The following UGT1A7 variants were observed in gnomAD, a reference collection of about 807,000 sequenced individuals.
The protein encoded by UGT1A7 is UDP glucuronosyltransferase family 1 member A7, also known as UDP-glucuronosyltransferase 1A7.
In UGT1A7, 33 loss-of-function variants were observed where a neutral mutation model predicts 45.6. The ratio of observed to expected loss-of-function variants is 0.72; its 90% CI spans 0.55 to 0.97. The LOEUF (loss-of-function observed/expected upper bound fraction) is 0.97. UGT1A7 is among the 50% of genes least tolerant of loss of function. The pLI, the probability that UGT1A7 is intolerant of heterozygous loss-of-function variation, is 0.00. For synonymous variants in UGT1A7, 274 were observed against 250.6 expected, an observed-to-expected ratio of 1.09 and a Z score of -0.88; for missense variants, 684 against 666.2, an observed-to-expected ratio of 1.03 and a Z score of -0.29.
At chr2:233,713,401 T>C in intron 1 of UGT1A7, 1 of 1,614,206 alleles carries the variant, frequency 6.2e-7, no homozygotes, top group Non-Finnish European at 8.5e-7. Context: ...AATGAGGCCC[T>C]GATCAGGCAC....
chr2:233,712,954 G>A (rs367675101), intron 1 of UGT1A7: 7 of 1,612,846 alleles, frequency 4.3e-6, no homozygotes, highest in South Asian at 3.3e-5. Context: ...GAGGCACAAC[G>A]TGGGGTGGAC....
chr2:233,755,767 T>C (rs1575738311), intron 1 of UGT1A7: 1 of 152,920 alleles, frequency 6.5e-6, no homozygotes, highest in African/African-American at 2.4e-5. Context: ...CTTTTGTTCA[T>C]CTGGATTATG....
Position 233,767,016 on chromosome 2 carries a change from T to A in UGT1A7, c.856-18T>A, listed in dbSNP as rs182710200. ...AATATGAGAAAAAATTAACTGAAAATTTTTCTTCTGGCTCTAGGAATTTGA... is the reference window on the plus strand; with the variant it reads ...AATATGAGAAAAAATTAACTGAAAAATTTTCTTCTGGCTCTAGGAATTTGA... On this transcript the variant is annotated intron_variant, in intron 1 of 4. Transcript: ENST00000373426. 2.5e-5 allele frequency: 40 copies of A among 1,613,838 alleles called. No individual in the cohort carries two copies. The Middle Eastern group carries it at 6.6e-4, about 27-fold the overall frequency.
rs571994847 is a variant in UGT1A7, at chr2:233,706,057, T to G, written c.855+23265T>G. 5.9e-5 allele frequency among the ~76,000 whole-genome samples: 9 copies of G among 152,276 alleles called. No individual in the cohort carries two copies. The South Asian group carries it at 1.9e-3, about 32-fold the overall frequency. On this transcript the variant is annotated intron_variant, in intron 1 of 4. Transcript: ENST00000373426. ...TTGCAGTGAGCCGAGATCACGCCAC[T>G]GCATGCCAGCCTGGGTGACAGAGCT... is the stretch of plus-strand genomic sequence containing the variant.
chr2:233,701,607 C>T (rs918136941), intron 1 of UGT1A7, among the ~76,000 whole-genome samples: 3 of 152,194 alleles, frequency 2.0e-5, no homozygotes, highest in Non-Finnish European at 4.4e-5. Flanking sequence ...AAGCACTCCT[C>T]AGCAAACGTA....
At chr2:233,764,492 C>G (rs1698575712) in intron 1 of UGT1A7, among the ~76,000 whole-genome samples, 1 of 152,096 alleles carries the variant, frequency 6.6e-6, no homozygotes, top group African/African-American at 2.4e-5. Context: ...TGTTTATGGA[C>G]CTGTGGGTTC....
At chr2:233,704,563 A>G (rs1009157826) in intron 1 of UGT1A7, among the ~76,000 whole-genome samples, 11 of 152,202 alleles carry the variant, frequency 7.2e-5, no homozygotes, top group Non-Finnish European at 1.6e-4. Context: ...TTATATAAAT[A>G]CACATGCTTT....
In UGT1A7 at chr2:233,768,259, C is replaced by T. The variant is rs72551353; in HGVS notation, c.1115C>T (p.Ser372Phe). ...MTRAFITHAGSHGVYESICNG... is the reference protein window; with the variant it reads ...MTRAFITHAGFHGVYESICNG... ...CGTGCCTTTATCACCCATGCTGGTT[C>T]CCATGGTGTTTATGAAAGCATATGC... Residue 372 changes from serine (S) to phenylalanine (F), a missense_variant, in exon 4 of 5, where the codon TCC becomes TTC. Ser to Phe is a radical substitution (Grantham distance 155). Coordinates refer to ENST00000373426, the MANE Select transcript of UGT1A7 (RefSeq NM_019077.3). The T allele has an allele frequency of 1.8e-5, 29 of 1,614,010 alleles. No homozygotes were observed. The highest frequency in any genetic ancestry group is 2.4e-5 in the Non-Finnish European group (28 of 1,180,040).
intron 1 of UGT1A7, chr2:233,747,921 G>T: frequency 6.2e-7 from 1 of 1,613,394 alleles, no homozygotes; most frequent in Non-Finnish European, 8.5e-7. Context: ...CCTTGCCTCT[G>T]AGCTTTTTCA....
intron 1 of UGT1A7, chr2:233,752,621 T>G (rs1428833052): frequency 6.6e-6 from 1 of 152,162 alleles, no homozygotes; most frequent in African/African-American, 2.4e-5. Flanking sequence ...TAGCTAGGTG[T>G]GGTAGCTGTT....
Position 233,729,005 on chromosome 2 carries a change from CTG to C in UGT1A7, c.856-38027_856-38026del, listed in dbSNP as rs1444389059. ...TAATAATTAACTAGAGGAGGGCACT[CTG>C]TCTTCCAATTACACGTTGATTTGCT... On this transcript the variant is annotated intron_variant, in intron 1 of 4. Coordinates refer to ENST00000373426, the MANE Select transcript of UGT1A7 (RefSeq NM_019077.3). The C allele has an allele frequency of 3.2e-6, 5 of 1,574,922 alleles. No individual in the cohort carries two copies. In the East Asian group the frequency reaches 1.1e-4, roughly 36 times the overall value.
chr2:233,689,650 T>C (rs372119020), intron 1 of UGT1A7, among the ~76,000 whole-genome samples: 2 of 152,280 alleles, frequency 1.3e-5, no homozygotes, highest in South Asian at 4.1e-4. Context: ...TGCTCATGAG[T>C]GTGACTTCCT....
chr2:233,725,264 G>GGCAGAGGAGGCA, intron 1 of UGT1A7, among the ~76,000 whole-genome samples: 1 of 58,548 alleles, frequency 1.7e-5, no homozygotes, highest in African/African-American at 1.3e-4. Flanking sequence ...CAGAGGCAGA[G>GGCAGAGGAGGCA]GAGGCAGAGG....
intron 1 of UGT1A7, chr2:233,689,774 C>A: frequency 3.0e-6 from 1 of 331,564 alleles, no homozygotes; most frequent in African/African-American, 2.2e-5. Flanking sequence ...AACTCGGGGA[C>A]ATATGTTATG....
chr2:233,751,466 T>C (rs1694736440), intron 1 of UGT1A7, among the ~76,000 whole-genome samples: 1 of 152,134 alleles, frequency 6.6e-6, no homozygotes. Context: ...GAAGGCACGA[T>C]TGGTTTTGAA....
At chr2:233,724,728 C>A (rs2077301361) in intron 1 of UGT1A7, among the ~76,000 whole-genome samples, 1 of 144,340 alleles carries the variant, frequency 6.9e-6, no homozygotes, top group Non-Finnish European at 1.5e-5. Context: ...GGCAGCCAGG[C>A]AGAGGGGCTC....
In UGT1A7 at chr2:233,756,891, T is replaced by C. The variant is rs11568316; in HGVS notation, c.856-10143T>C. ...TATTAGGTGTAATGAGGATGTGTTA[T>C]CTCACCAGAACAAACTTCTGAGTTT... On this transcript the variant is annotated intron_variant, in intron 1 of 4. Coordinates refer to ENST00000373426, the MANE Select transcript of UGT1A7 (RefSeq NM_019077.3). 4.5e-3 allele frequency among the ~76,000 whole-genome samples: 679 copies of C among 152,202 alleles called. 6 individuals carry two copies. Among genetic ancestry groups the C allele is most frequent in the African/African-American group, 0.016 (644 of 41,534 alleles).
chr2:233,690,185 A>G (rs1575442936), intron 1 of UGT1A7, among the ~76,000 whole-genome samples: 2 of 152,246 alleles, frequency 1.3e-5, no homozygotes, highest in Non-Finnish European at 2.9e-5. Context: ...TAGCCATTTC[A>G]TAAAATATTC....
Position 233,772,402 on chromosome 2 carries a change from C to T in UGT1A7, c.1436C>T (p.Thr479Ile), listed in dbSNP as rs1279219087. The T allele has an allele frequency of 6.2e-7, 1 of 1,614,144 alleles. No individual in the cohort carries two copies. The highest frequency in any genetic ancestry group is 1.3e-5 in the African/African-American group (1 of 74,938). ...CTGCGCCCCGCAGCCCACGACCTCA[C>T]CTGGTACCAGTACCATTCCTTGGAC... ...PHLRPAAHDLTWYQYHSLDVI... is the reference protein window; with the variant it reads ...PHLRPAAHDLIWYQYHSLDVI... The change falls in exon 5 of 5, where the codon ACC (threonine) becomes ATC (isoleucine). Residue 479 changes from threonine to isoleucine, a missense_variant. By Grantham distance (89) the Thr-to-Ile change is moderately conservative. Coordinates refer to ENST00000373426, the MANE Select transcript of UGT1A7 (RefSeq NM_019077.3).
Sources: gnomAD v4.1 joint callset for allele counts (sites outside exome capture counted in the v4.1 genomes callset) on GRCh38, gnomAD v4.1.1 for gene constraint, MANE v1.5 for transcripts, NCBI Gene and HGNC (gene_info 2026-07-23, HGNC 2026-07-21) for gene names.